The following C1orf185 variants were observed in gnomAD, a reference collection of about 807,000 sequenced individuals.
C1orf185 encodes the protein chromosome 1 open reading frame 185.
C1orf185 carries 13 observed loss-of-function variants against 16.1 expected under a neutral mutation model. The observed-to-expected ratio is 0.81, with a 90% CI of 0.53 to 1.28. The LOEUF is 1.28. C1orf185 is among the 50% of genes most tolerant of loss of function. The probability of loss-of-function intolerance (pLI) is 0.00; values close to 1 mark genes in which losing one functional copy is unlikely to be tolerated. For missense variants in C1orf185, 220 were observed against 225.2 expected, an observed-to-expected ratio of 0.98 and a Z score of 0.15; for synonymous variants, 80 against 76.9, an observed-to-expected ratio of 1.04 and a Z score of -0.21.
intron 3 of C1orf185, among the ~76,000 whole-genome samples, chr1:51,133,654 G>GAA (rs757645247): frequency 1.3e-5 from 2 of 152,202 alleles, no homozygotes; most frequent in Non-Finnish European, 2.9e-5. Context: ...CAATGGGACA[G>GAA]AAAATTAACA....
chr1:51,102,369 T>C, intron 1 of C1orf185, 120 bp downstream of exon 1: 1 of 619,898 alleles, frequency 1.6e-6, no homozygotes, highest in South Asian at 1.9e-5. Context: ...AGATAAGAAA[T>C]ACTTGAATCA....
Position 51,116,889 on chromosome 1 carries a change from G to A in C1orf185, c.123-1777G>A, listed in dbSNP as rs144478256. On this transcript the variant is annotated intron_variant, in intron 2 of 4. Transcript: ENST00000371759. ...CCTAATAACTACTGCTGTTTCTTCA[G>A]ATGCCCAGTTAAATCATCCCTACCT... Among the ~76,000 whole-genome samples, 925 of 152,224 alleles carry A rather than the reference G, an allele frequency of 6.1e-3. 3 individuals are homozygous for A. The highest frequency in any genetic ancestry group is 9.0e-3 in the Non-Finnish European group (612 of 68,032).
chr1:51,135,493 C>A (rs1252030424), intron 3 of C1orf185, among the ~76,000 whole-genome samples: 2 of 151,564 alleles, frequency 1.3e-5, no homozygotes, highest in African/African-American at 4.9e-5. Context: ...GAGCCGAGAT[C>A]ACACCATTGC....
At chr1:51,103,020 C>G (rs1278453901) in intron 1 of C1orf185, among the ~76,000 whole-genome samples, 1 of 151,972 alleles carries the variant, frequency 6.6e-6, no homozygotes, top group East Asian at 1.9e-4. Flanking sequence ...AGCACAGGAG[C>G]TTTTCTTAGG....
intron 3 of C1orf185, among the ~76,000 whole-genome samples, chr1:51,127,892 T>G (rs894314867): frequency 2.0e-5 from 3 of 146,918 alleles, no homozygotes; most frequent in South Asian, 2.2e-4. Flanking sequence ...TTTGTTTTTT[T>G]TTTTTTTTTT....
intron 3 of C1orf185, among the ~76,000 whole-genome samples, chr1:51,137,621 A>G (rs193107586): frequency 6.6e-6 from 1 of 152,374 alleles, no homozygotes; most frequent in Non-Finnish European, 1.5e-5. Context: ...AAATTAGTTG[A>G]ATCATTGTGG....
chr1:51,110,779 G>A (rs1360992077), intron 1 of C1orf185, among the ~76,000 whole-genome samples: 5 of 152,000 alleles, frequency 3.3e-5, no homozygotes, highest in African/African-American at 1.2e-4. Context: ...GACCAGCGTG[G>A]CCAACATGGT....
At chr1:51,145,609 A>G in intron 3 of C1orf185, 115 bp from the exon 4 acceptor site, 1 of 516,210 alleles carries the variant, frequency 1.9e-6, no homozygotes, top group Non-Finnish European at 3.1e-6. Context: ...GGAAAGAAAC[A>G]TTTTCCATTA....
intron 3 of C1orf185, among the ~76,000 whole-genome samples, chr1:51,142,435 T>C (rs563341514): frequency 5.9e-5 from 9 of 152,360 alleles, no homozygotes; most frequent in African/African-American, 2.2e-4. Flanking sequence ...ACAGTGTTTA[T>C]CTGTGGATTT....
At position 51,147,776 on chromosome 1, in the gene C1orf185, C is replaced by A. The variant is rs1451864569; in HGVS notation, c.*5C>A. ...GTACTGAATGACACTTTATGACCAT[C>A]AAAAAGATGACTACATTAAGGGAAA... On this transcript the variant is annotated 3_prime_UTR_variant, in exon 5 of 5. Coordinates refer to ENST00000371759, the MANE Select transcript of C1orf185 (RefSeq NM_001136508.2). 9 of 1,495,892 alleles carry A rather than the reference C, an allele frequency of 6.0e-6. No homozygotes were observed. Among genetic ancestry groups the A allele is most frequent in the Non-Finnish European group, 7.1e-6 (8 of 1,121,146 alleles). 92.7% of individuals were successfully genotyped at this position (1,495,892 alleles called of 1,614,324 possible).
chr1:51,103,450 A>C (rs2026812), intron 1 of C1orf185, among the ~76,000 whole-genome samples: 2,415 of 51,870 alleles, frequency 0.047, 65 homozygotes, highest in African/African-American at 0.12. Context: ...CACACACACA[A>C]AAACCACGAA....
At chr1:51,131,229 G>A (rs914263853) in intron 3 of C1orf185, among the ~76,000 whole-genome samples, 1 of 152,326 alleles carries the variant, frequency 6.6e-6, no homozygotes, top group South Asian at 2.1e-4. Flanking sequence ...AAGGTGTGAG[G>A]TTTAGGTCAA....
chr1:51,142,475 T>A (rs1646371290), intron 3 of C1orf185, among the ~76,000 whole-genome samples: 2 of 152,250 alleles, frequency 1.3e-5, no homozygotes, highest in African/African-American at 4.8e-5. Context: ...ATAGAATTGG[T>A]GTAAATTATT....
chr1:51,136,144 A>C (rs112294283), intron 3 of C1orf185, among the ~76,000 whole-genome samples: 102 of 152,304 alleles, frequency 6.7e-4, no homozygotes, highest in South Asian at 2.9e-3. Context: ...AACACTGCTC[A>C]AAGAAATCAG....
At chr1:51,114,764 C>T (rs1244581134) in intron 2 of C1orf185, among the ~76,000 whole-genome samples, 1 of 152,132 alleles carries the variant, frequency 6.6e-6, no homozygotes, top group Non-Finnish European at 1.5e-5. Flanking sequence ...AGCTGATTTA[C>T]ATTTTAATAA....
At chr1:51,140,755 T>C (rs549652848) in intron 3 of C1orf185, among the ~76,000 whole-genome samples, 1 of 152,334 alleles carries the variant, frequency 6.6e-6, no homozygotes, top group Admixed American at 6.5e-5. Flanking sequence ...GTCTAATTTA[T>C]TGGCATAAAG....
intron 3 of C1orf185, among the ~76,000 whole-genome samples, chr1:51,136,411 C>A (rs74396628): frequency 0.036 from 5,452 of 150,516 alleles, 329 homozygotes; most frequent in African/African-American, 0.13. Flanking sequence ...TCTCAGCTCA[C>A]TGAAACAAAA....
intron 1 of C1orf185, among the ~76,000 whole-genome samples, chr1:51,107,047 G>A (rs987758887): frequency 3.9e-5 from 6 of 152,092 alleles, no homozygotes; most frequent in African/African-American, 9.7e-5. Context: ...GTGAGCCACC[G>A]CGCCTGGCCC....
At chr1:51,142,127 T>C (rs891076762) in intron 3 of C1orf185, among the ~76,000 whole-genome samples, 1 of 152,226 alleles carries the variant, frequency 6.6e-6, no homozygotes, top group Non-Finnish European at 1.5e-5. Flanking sequence ...GGAAATTTAA[T>C]ATTGATTCAA....
Sources: allele counts gnomAD v4.1 joint callset (sites outside exome capture counted in the v4.1 genomes callset), GRCh38; gene constraint gnomAD v4.1.1; transcripts MANE v1.5; gene names NCBI Gene and HGNC (gene_info 2026-07-23, HGNC 2026-07-21).